Variants in FHIT observed in about 807,000 individuals in gnomAD.
The protein encoded by FHIT is bis(5'-adenosyl)-triphosphatase.
In FHIT, 19 loss-of-function variants were observed where a neutral mutation model predicts 17.9. That is an observed-to-expected ratio of 1.06 (90% CI 0.74 to 1.56). The LOEUF (loss-of-function observed/expected upper bound fraction) is 1.56. FHIT is among the 40% of genes most tolerant of loss of function. FHIT has a pLI of 0.00. For synonymous variants in FHIT, 81 were observed against 69.7 expected (o/e 1.16, Z -0.81); for missense variants, 248 against 189.2 (o/e 1.31, Z -1.82).
At chr3:59,833,786 T>C (rs552370907) in intron 8 of FHIT, among the ~76,000 whole-genome samples, 1 of 152,238 alleles carries the variant, frequency 6.6e-6, no homozygotes, top group Non-Finnish European at 1.5e-5. Flanking sequence ...AGAGACCTGG[T>C]GGGAGGTGAT....
rs551166104 is a variant in FHIT, at chr3:60,495,198, C to T, written c.103+41662G>A. 3.9e-5 allele frequency among the ~76,000 whole-genome samples: 6 copies of T among 152,110 alleles called. No homozygotes were observed. In the South Asian group the frequency reaches 1.2e-3, roughly 32 times the overall value. On this transcript the variant is annotated intron_variant, in intron 5 of 9. Transcript: ENST00000492590. The stretch of plus-strand genomic sequence containing the variant: ...AGTGAGATGATATCTCGTTGTAGTT[C>T]TGATTTGCATTTCTTTGATGATGAA...
At chr3:60,798,881 C>T (rs2736733) in intron 4 of FHIT, among the ~76,000 whole-genome samples, 106,942 of 150,952 alleles carry the variant, frequency 0.71, 39,733 homozygotes, top group Middle Eastern at 0.85. Flanking sequence ...CATCAGCCTC[C>T]CAAGTAGCTG....
At chr3:59,855,728 A>T (rs185212650) in intron 8 of FHIT, among the ~76,000 whole-genome samples, 2 of 152,184 alleles carry the variant, frequency 1.3e-5, no homozygotes, top group Non-Finnish European at 2.9e-5. Context: ...TCTAGAAAAG[A>T]TCAAAAAAGT....
chr3:60,397,150 T>C (rs1701477753), intron 5 of FHIT, among the ~76,000 whole-genome samples: 1 of 152,198 alleles, frequency 6.6e-6, no homozygotes, highest in Non-Finnish European at 1.5e-5. Context: ...TCAAAAGTTT[T>C]CAAAGAATAA....
intron 4 of FHIT, among the ~76,000 whole-genome samples, chr3:60,760,380 A>G (rs1434437184): frequency 6.6e-6 from 1 of 152,326 alleles, no homozygotes; most frequent in East Asian, 1.9e-4. Context: ...AACAGGAAGT[A>G]AGGGCATACA....
chr3:60,193,277 G>A (rs1576286190), intron 5 of FHIT, among the ~76,000 whole-genome samples: 1 of 152,096 alleles, frequency 6.6e-6, no homozygotes, highest in South Asian at 2.1e-4. Context: ...TGCATCAGAA[G>A]ACATGCCGAG....
intron 7 of FHIT, among the ~76,000 whole-genome samples, chr3:59,961,065 G>A (rs137995182): frequency 9.9e-5 from 15 of 152,278 alleles, no homozygotes; most frequent in Non-Finnish European, 1.5e-4. Flanking sequence ...GGACTGAATC[G>A]TGAATTTGAG....
intron 5 of FHIT, among the ~76,000 whole-genome samples, chr3:60,260,253 T>A (rs971682423): frequency 6.6e-6 from 1 of 151,694 alleles, no homozygotes; most frequent in Non-Finnish European, 1.5e-5. Flanking sequence ...CAATTAAGTA[T>A]GATGACTGCA....
chr3:60,429,282 A>G (rs764653742), intron 5 of FHIT, among the ~76,000 whole-genome samples: 3 of 152,050 alleles, frequency 2.0e-5, no homozygotes, highest in Non-Finnish European at 4.4e-5. Context: ...TCCACTTATC[A>G]ATAGTAATGA....
chr3:60,319,994 C>A (rs1709349248), intron 5 of FHIT, among the ~76,000 whole-genome samples: 1 of 152,158 alleles, frequency 6.6e-6, no homozygotes, highest in Non-Finnish European at 1.5e-5. Context: ...GGGGCTCTTT[C>A]AGTACCTCAA....
intron 4 of FHIT, among the ~76,000 whole-genome samples, chr3:60,615,927 G>C (rs1276690508): frequency 3.9e-5 from 6 of 152,174 alleles, no homozygotes; most frequent in African/African-American, 7.2e-5. Context: ...AAGAGATAAA[G>C]AAACTGTTCT....
chr3:60,953,988 G>A (rs1039640423), intron 3 of FHIT, among the ~76,000 whole-genome samples: 1 of 152,120 alleles, frequency 6.6e-6, no homozygotes, highest in African/African-American at 2.4e-5. Flanking sequence ...GAGCCCAAAG[G>A]GTTTCTGCAG....
chr3:60,022,332 A>G (rs1307915008), intron 5 of FHIT, among the ~76,000 whole-genome samples: 2 of 152,244 alleles, frequency 1.3e-5, no homozygotes, highest in Non-Finnish European at 2.9e-5. Flanking sequence ...TTTGCCAAAC[A>G]GTTCAGGTTA....
chr3:60,177,630 T>C (rs868104002), intron 5 of FHIT, among the ~76,000 whole-genome samples: 1 of 152,204 alleles, frequency 6.6e-6, no homozygotes, highest in Non-Finnish European at 1.5e-5. Flanking sequence ...ACCATTGTTT[T>C]GCACTCTGAG....
intron 4 of FHIT, among the ~76,000 whole-genome samples, chr3:60,688,173 A>G (rs781853826): frequency 7.2e-5 from 11 of 152,156 alleles, no homozygotes; most frequent in African/African-American, 1.7e-4. Context: ...AGCTTTACAC[A>G]ATGCTTTCAC....
intron 4 of FHIT, among the ~76,000 whole-genome samples, chr3:60,813,345 A>G (rs1284797216): frequency 2.0e-5 from 3 of 152,014 alleles, no homozygotes; most frequent in East Asian, 3.9e-4. Flanking sequence ...ATTCTGTTAT[A>G]GCAGAAACAA....
chr3:60,367,531 T>C (rs1700158757), intron 5 of FHIT, among the ~76,000 whole-genome samples: 1 of 152,262 alleles, frequency 6.6e-6, no homozygotes, highest in South Asian at 2.1e-4. Flanking sequence ...TCTCAGATTA[T>C]GTTCTTACTC....
At chr3:59,783,717 C>CA (rs1483089793) in intron 8 of FHIT, among the ~76,000 whole-genome samples, 1 of 152,170 alleles carries the variant, frequency 6.6e-6, no homozygotes, top group Non-Finnish European at 1.5e-5. Flanking sequence ...GGTGAGCACA[C>CA]ACCTCCCCAT....
At chr3:60,058,144 T>G (rs977977684) in intron 5 of FHIT, among the ~76,000 whole-genome samples, 233 of 136,266 alleles carry the variant, frequency 1.7e-3, no homozygotes, top group African/African-American at 5.6e-3. Flanking sequence ...TTTTTTTTTT[T>G]TTTTTTTTTT....
Sources: gnomAD v4.1 joint callset for allele counts (sites outside exome capture counted in the v4.1 genomes callset) on GRCh38, gnomAD v4.1.1 for gene constraint, MANE v1.5 for transcripts, NCBI Gene and HGNC (gene_info 2026-07-23, HGNC 2026-07-21) for gene names.